RSPO2: variants seen among roughly 807,000 people sequenced by gnomAD.
RSPO2 encodes R-spondin 2.
RSPO2 carries 14 observed loss-of-function variants against 30.9 expected under a neutral mutation model. The observed-to-expected ratio is 0.45, with a 90% confidence interval of 0.30 to 0.71. The LOEUF is 0.71. Ranked by LOEUF, RSPO2 falls within the 30% of genes least tolerant of loss-of-function variation. The probability of loss-of-function intolerance (pLI) is 0.08; values close to 1 mark genes in which losing one functional copy is unlikely to be tolerated. For missense variants in RSPO2, 264 were observed against 301.9 expected, an observed-to-expected ratio of 0.87 and a Z score of 0.93; for synonymous variants, 107 against 96.4, an observed-to-expected ratio of 1.11 and a Z score of -0.64.
Position 108,048,243 on chromosome 8 carries a change from A to G in RSPO2, c.94+34302T>C, listed in dbSNP as rs192937598. Among the ~76,000 whole-genome samples, 77 of 152,040 alleles carry G rather than the reference A, an allele frequency of 5.1e-4. 1 individual carries two copies. The Middle Eastern group carries it at 0.01, about 20-fold the overall frequency. On this transcript the variant is annotated intron_variant, in intron 2 of 5. Coordinates refer to ENST00000276659, the MANE Select transcript of RSPO2 (RefSeq NM_178565.5). ...CATTATGTGTTTCACATCAGCTTGT[A>G]AGAAAGTCATGGGGGACTTTTAAGA...
chr8:107,910,366 A>G (rs1811784042), intron 5 of RSPO2, among the ~76,000 whole-genome samples: 1 of 152,184 alleles, frequency 6.6e-6, no homozygotes, highest in Admixed American at 6.5e-5. Context: ...TGGTTTATAC[A>G]TGGCAGCTAT....
chr8:107,931,935 A>C (rs1233720601), intron 5 of RSPO2, among the ~76,000 whole-genome samples: 1 of 152,168 alleles, frequency 6.6e-6, no homozygotes, highest in Non-Finnish European at 1.5e-5. Context: ...CATTAACAAG[A>C]AATTAACAAG....
intron 2 of RSPO2, among the ~76,000 whole-genome samples, chr8:108,059,977 A>G (rs1319916056): frequency 6.6e-6 from 1 of 151,516 alleles, no homozygotes; most frequent in African/African-American, 2.4e-5. Context: ...CATTGTGCAC[A>G]TGTACCCTAA....
intron 3 of RSPO2, among the ~76,000 whole-genome samples, chr8:107,973,123 AGCTGGGCATGGTG>A (rs1026648786): frequency 3.3e-5 from 5 of 152,110 alleles, no homozygotes; most frequent in Non-Finnish European, 5.9e-5. Flanking sequence ...ACAAAAAATT[AGCTGGGCATGGTG>A]GCAGGCACCT....
chr8:107,949,425 A>G lies in RSPO2; in HGVS notation c.616+8655T>C, dbSNP rs549251206. ...TGATGGGTATCTAGGTTGGTTCCAT[A>G]TTTTTACAATTTCGAATTGTACTGC... On this transcript the variant is annotated intron_variant, in intron 5 of 5. Transcript: ENST00000276659. Among the ~76,000 whole-genome samples the G allele has an allele frequency of 3.3e-5, 5 of 150,242 alleles. No homozygotes were observed. In the South Asian group the frequency reaches 1.0e-3, roughly 31 times the overall value.
At position 107,917,257 on chromosome 8, in the gene RSPO2, G is replaced by A. The variant is rs574443311; in HGVS notation, c.617-16067C>T. Among the ~76,000 whole-genome samples, 179 of 152,254 alleles carry A rather than the reference G, an allele frequency of 1.2e-3. 2 individuals are homozygous for A. Among genetic ancestry groups the A allele is most frequent in the Admixed American group, 0.01 (154 of 15,288 alleles). ...CCCAGCACTTAGGGAGGCCAAGGCA[G>A]GCGGATCAGCTGAGGTCAGGAGTTT... On this transcript the variant is annotated intron_variant, in intron 5 of 5. Coordinates refer to ENST00000276659, the MANE Select transcript of RSPO2 (RefSeq NM_178565.5).
intron 2 of RSPO2, among the ~76,000 whole-genome samples, chr8:108,068,026 G>C (rs1445758078): frequency 6.6e-6 from 1 of 151,926 alleles, no homozygotes; most frequent in Admixed American, 6.6e-5. Flanking sequence ...CTGAGACCAC[G>C]CCATTGCACT....
chr8:108,010,051 A>T (rs976970384), intron 2 of RSPO2, among the ~76,000 whole-genome samples: 10 of 144,848 alleles, frequency 6.9e-5, no homozygotes, highest in African/African-American at 2.2e-4. Context: ...CCTGTCTCAG[A>T]AAATAAAAAT....
intron 2 of RSPO2, among the ~76,000 whole-genome samples, chr8:108,061,239 C>T (rs1035624251): frequency 2.6e-5 from 4 of 151,794 alleles, no homozygotes; most frequent in Non-Finnish European, 5.9e-5. Flanking sequence ...CACAGACTGG[C>T]AAACTGGATA....
At chr8:107,943,212 T>C (rs935575891) in intron 5 of RSPO2, among the ~76,000 whole-genome samples, 2 of 152,106 alleles carry the variant, frequency 1.3e-5, no homozygotes, top group Non-Finnish European at 2.9e-5. Context: ...CACACATGCG[T>C]GCGTGCGCGC....
chr8:108,011,088 G>A (rs750969929), intron 2 of RSPO2, among the ~76,000 whole-genome samples: 8 of 140,046 alleles, frequency 5.7e-5, no homozygotes, highest in African/African-American at 8.1e-5. Flanking sequence ...AACCGAGATC[G>A]CGCCATTGCA....
chr8:107,984,123 A>G (rs1364501995), intron 3 of RSPO2, among the ~76,000 whole-genome samples: 1 of 152,260 alleles, frequency 6.6e-6, no homozygotes, highest in Non-Finnish European at 1.5e-5. Flanking sequence ...CTTGGGAAAC[A>G]GTCACTGTGA....
Position 108,033,256 on chromosome 8 carries a change from T to C in RSPO2, c.95-44012A>G, listed in dbSNP as rs143238045. 4.9e-3 allele frequency among the ~76,000 whole-genome samples: 751 copies of C among 152,176 alleles called. 6 individuals are homozygous for C. Among genetic ancestry groups the C allele is most frequent in the African/African-American group, 0.017 (700 of 41,518 alleles). Reference sequence around the variant, plus strand: ...AATTATTGATCACCACCACCTTCTTTCATCTCCAAGGTCCAGTATGTCATC... The same window carrying C: ...AATTATTGATCACCACCACCTTCTTCCATCTCCAAGGTCCAGTATGTCATC... On this transcript the variant is annotated intron_variant, in intron 2 of 5. Coordinates refer to ENST00000276659, the MANE Select transcript of RSPO2 (RefSeq NM_178565.5).
intron 3 of RSPO2, among the ~76,000 whole-genome samples, chr8:107,967,813 C>G (rs902185133): frequency 1.3e-5 from 2 of 152,138 alleles, no homozygotes; most frequent in Non-Finnish European, 2.9e-5. Flanking sequence ...AGTGGCCACT[C>G]AAATAGTACA....
chr8:108,037,026 A>T (rs924974296), intron 2 of RSPO2, among the ~76,000 whole-genome samples: 1 of 152,116 alleles, frequency 6.6e-6, no homozygotes, highest in Admixed American at 6.6e-5. Flanking sequence ...TGGTACAACA[A>T]TATTGAAATT....
chr8:108,046,863 T>C (rs1811921437), intron 2 of RSPO2, among the ~76,000 whole-genome samples: 1 of 152,142 alleles, frequency 6.6e-6, no homozygotes, highest in Non-Finnish European at 1.5e-5. Flanking sequence ...CATTCAGTTG[T>C]GCAGGCAAAA....
intron 2 of RSPO2, among the ~76,000 whole-genome samples, chr8:108,076,999 C>A (rs1268651922): frequency 6.6e-6 from 1 of 152,074 alleles, no homozygotes; most frequent in Non-Finnish European, 1.5e-5. Flanking sequence ...AGGAACAAGT[C>A]CCAGAGAACT....
At chr8:108,032,526 T>C (rs561340586) in intron 2 of RSPO2, among the ~76,000 whole-genome samples, 1 of 152,348 alleles carries the variant, frequency 6.6e-6, no homozygotes, top group African/African-American at 2.4e-5. Flanking sequence ...TTATTTCCCC[T>C]TGTCTATTAC....
intron 2 of RSPO2, among the ~76,000 whole-genome samples, chr8:107,992,551 T>C (rs927867315): frequency 2.0e-5 from 3 of 152,238 alleles, no homozygotes; most frequent in Middle Eastern, 3.4e-3. Context: ...ACCCGTGAAC[T>C]TAAAAGTATA....
Sources: gnomAD v4.1 joint callset for allele counts (sites outside exome capture counted in the v4.1 genomes callset) on GRCh38, gnomAD v4.1.1 for gene constraint, MANE v1.5 for transcripts, NCBI Gene and HGNC (gene_info 2026-07-23, HGNC 2026-07-21) for gene names.